HAO2: variants seen among roughly 807,000 people sequenced by gnomAD.
The protein encoded by HAO2 is hydroxyacid oxidase 2, also known as 2-Hydroxyacid oxidase 2.
HAO2 carries 42 observed loss-of-function variants against 37.4 expected under a neutral mutation model. The observed-to-expected ratio is 1.12, with a 90% CI of 0.88 to 1.45. HAO2 has a LOEUF of 1.45. Ranked by LOEUF, HAO2 falls within the 40% of genes most tolerant of loss-of-function variation. The pLI is 0.00. For missense variants in HAO2, 476 were observed against 430.2 expected (o/e 1.11, Z -0.94); for synonymous variants, 180 against 162.8 (o/e 1.11, Z -0.81).
chr1:119,381,355 T>C, intron 2 of HAO2, 139 bp downstream of exon 2: 2 of 705,270 alleles, frequency 2.8e-6, no homozygotes, highest in Non-Finnish European at 5.0e-6. Flanking sequence ...TTTGTTGTTG[T>C]TTTGGTTTGT....
At chr1:119,369,350 T>G (rs587757504) in intron 1 of HAO2, among the ~76,000 whole-genome samples, 1 of 152,318 alleles carries the variant, frequency 6.6e-6, no homozygotes, top group South Asian at 2.1e-4. Context: ...TCTCAAACAA[T>G]GTAGTTCCTT....
At chr1:119,391,626 C>T (rs1226419278) in intron 5 of HAO2, among the ~76,000 whole-genome samples, 1 of 152,142 alleles carries the variant, frequency 6.6e-6, no homozygotes, top group African/African-American at 2.4e-5. Flanking sequence ...TAATGTTCAA[C>T]CCAGTTTCCC....
chr1:119,383,052 T>G lies in HAO2; in HGVS notation c.269T>G (p.Met90Arg). The change falls in exon 3 of 8, where the codon ATG becomes AGG. Residue 90 changes from methionine (M) to arginine (R), a missense_variant. Met to Arg is a moderately conservative substitution (Grantham distance 91). Transcript: ENST00000325945. ...TGCCTTGTCTGGCCTGATGGGGAAATGAGCACAGCAAGAGGTATGAACCAT... is the reference window on the plus strand; with the variant it reads ...TGCCTTGTCTGGCCTGATGGGGAAAGGAGCACAGCAAGAGGTATGAACCAT... ...FHCLVWPDGE[M>R]STARAAQAAG... is the part of the protein sequence containing the mutation. 4 of 1,612,442 alleles carry G rather than the reference T, an allele frequency of 2.5e-6. No homozygotes were observed. The highest frequency in any genetic ancestry group is 3.4e-6 in the Non-Finnish European group (4 of 1,179,280).
At chr1:119,386,955 G>A (rs1650438079) in intron 5 of HAO2, 124 bp downstream of exon 5, 1 of 665,682 alleles carries the variant, frequency 1.5e-6, no homozygotes, top group South Asian at 1.7e-5. Flanking sequence ...CACATGTGTT[G>A]GTATGTATCT....
chr1:119,393,799 G>A lies in HAO2; in HGVS notation c.1015G>A (p.Ala339Thr), dbSNP rs770457915. 32 of 1,612,964 alleles carry A rather than the reference G, an allele frequency of 2.0e-5. No individual in the cohort carries two copies. Among genetic ancestry groups the A allele is most frequent in the African/African-American group, 8.0e-5 (6 of 74,840 alleles). The change falls in exon 8 of 8, where the codon GCT becomes ACT. Residue 339 changes from alanine (A) to threonine (T), a missense_variant. Ala to Thr is a moderately conservative substitution (Grantham distance 58). Coordinates refer to ENST00000325945, the MANE Select transcript of HAO2 (RefSeq NM_016527.4). Reference protein sequence around the residue: ...SMALTGCRSVAEINRNLVQFS... With the variant: ...SMALTGCRSVTEINRNLVQFS... ...TGTTCTTTTAGGCTGCCGGTCGGTC[G>A]CTGAGATCAATCGAAACTTGGTCCA...
intron 1 of HAO2, among the ~76,000 whole-genome samples, chr1:119,374,312 T>C (rs1400298026): frequency 6.6e-6 from 1 of 152,198 alleles, no homozygotes; most frequent in African/African-American, 2.4e-5. Context: ...CCATCACCTC[T>C]TTCATTCTCA....
rs758234111 is a variant in HAO2, at chr1:119,392,173, G to A, written c.835G>A (p.Gly279Arg). Residue 279 changes from glycine to arginine, a missense_variant, in exon 6 of 8, where the codon GGG becomes AGG. Coordinates refer to ENST00000325945, the MANE Select transcript of HAO2 (RefSeq NM_016527.4). ...KGKIEVYLDG[G>R]VRTGNDVLKA... ...GAAAATTGAAGTCTACCTGGATGGCGGGGTCCGAACTGGCAATGATGTGCT... is the reference window on the plus strand; with the variant it reads ...GAAAATTGAAGTCTACCTGGATGGCAGGGTCCGAACTGGCAATGATGTGCT... 60 of 1,613,030 alleles carry A rather than the reference G, an allele frequency of 3.7e-5. No individual in the cohort carries two copies. The Middle Eastern group carries it at 6.6e-4, about 18-fold the overall frequency.
At chr1:119,376,845 G>C (rs1298371339) in intron 1 of HAO2, among the ~76,000 whole-genome samples, 1 of 152,140 alleles carries the variant, frequency 6.6e-6, no homozygotes, top group East Asian at 1.9e-4. Context: ...AACCAGTCCT[G>C]AGACTGCACA....
intron 1 of HAO2, among the ~76,000 whole-genome samples, chr1:119,377,819 C>A (rs1349442678): frequency 6.6e-6 from 1 of 152,198 alleles, no homozygotes; most frequent in East Asian, 1.9e-4. Flanking sequence ...GTAATCCCAG[C>A]ACTTTGGGAG....
At chr1:119,393,071 A>G (rs1397292997) in intron 7 of HAO2, among the ~76,000 whole-genome samples, 2 of 152,150 alleles carry the variant, frequency 1.3e-5, no homozygotes, top group Non-Finnish European at 2.9e-5. Flanking sequence ...ATTTTTGTGA[A>G]TAATACATTT....
At chr1:119,385,669 A>C in intron 4 of HAO2, 3 of 985,408 alleles carry the variant, frequency 3.0e-6, no homozygotes, top group Non-Finnish European at 3.6e-6. Flanking sequence ...ATTAAATGGC[A>C]AGAAGTGCCT....
intron 2 of HAO2, among the ~76,000 whole-genome samples, chr1:119,382,314 G>C (rs1343893926): frequency 6.6e-6 from 1 of 152,162 alleles, no homozygotes; most frequent in African/African-American, 2.4e-5. Context: ...TTAGACACCT[G>C]AGGCTAAGTA....
At chr1:119,392,362 CA>C in intron 6 of HAO2, 94 bp downstream of exon 6, 1 of 1,084,988 alleles carries the variant, frequency 9.2e-7, no homozygotes, top group Non-Finnish European at 1.4e-6. Flanking sequence ...TAGACATTTT[CA>C]AAATGATTCC....
chr1:119,393,521 G>C (rs1335831511), intron 7 of HAO2, among the ~76,000 whole-genome samples: 2 of 152,246 alleles, frequency 1.3e-5, no homozygotes, highest in Non-Finnish European at 2.9e-5. Flanking sequence ...CACAAGAGTT[G>C]ATTTAGAAAA....
At position 119,383,019 on chromosome 1, in the gene HAO2, G is replaced by A; in HGVS notation, c.236G>A (p.Gly79Glu). Residue 79 changes from glycine (G) to glutamate (E), a missense_variant, in exon 3 of 8, where the codon GGG (glycine) becomes GAG (glutamate). Coordinates refer to ENST00000325945, the MANE Select transcript of HAO2 (RefSeq NM_016527.4). ...GCCCCTATTTGTATCGCACCCACAG[G>A]GTTCCACTGCCTTGTCTGGCCTGAT... Reference protein sequence around the residue: ...ISAPICIAPTGFHCLVWPDGE... With the variant: ...ISAPICIAPTEFHCLVWPDGE... The A allele has an allele frequency of 6.2e-7, 1 of 1,613,250 alleles. No individual in the cohort carries two copies. Among genetic ancestry groups the A allele is most frequent in the African/African-American group, 1.3e-5 (1 of 75,024 alleles).
chr1:119,381,283 A>T, intron 2 of HAO2, 67 bp downstream of exon 2: 1 of 1,119,974 alleles, frequency 8.9e-7, no homozygotes, highest in Non-Finnish European at 1.4e-6. Context: ...CTTGGACAGT[A>T]GTAGTCCTGG....
intron 3 of HAO2, among the ~76,000 whole-genome samples, chr1:119,383,992 G>A (rs1650175427): frequency 6.6e-6 from 1 of 152,140 alleles, no homozygotes; most frequent in Non-Finnish European, 1.5e-5. Flanking sequence ...ATCTCCTGTT[G>A]ACATGAAAAA....
Position 119,386,674 on chromosome 1 carries a change from G to A in HAO2, c.614G>A (p.Trp205Ter). 2 of 1,613,200 alleles carry A rather than the reference G, an allele frequency of 1.2e-6. No homozygotes were observed. The highest frequency in any genetic ancestry group is 1.7e-6 in the Non-Finnish European group (2 of 1,179,246). ...QMTPISTSLCWNDLSWFQSIT... is the reference protein window; with the variant it reads ...QMTPISTSLC The stretch of plus-strand genomic sequence containing the variant: ...ACTCCTATCAGCACTTCTCTCTGCT[G>A]GAATGATCTCTCCTGGTTTCAGAGC... The change falls in exon 5 of 8, where the codon TGG (tryptophan) becomes TAG (stop). Residue 205 changes from tryptophan (W) to a stop codon, truncating the protein, a stop_gained. Coordinates refer to ENST00000325945, the MANE Select transcript of HAO2 (RefSeq NM_016527.4). LOFTEE classifies it high-confidence loss of function.
intron 1 of HAO2, among the ~76,000 whole-genome samples, chr1:119,372,384 T>C (rs1015672143): frequency 3.9e-5 from 6 of 152,240 alleles, no homozygotes; most frequent in African/African-American, 1.4e-4. Context: ...CTAGGTCTAA[T>C]GCGACTTCAA....
Sources: gnomAD v4.1 joint callset for allele counts (sites outside exome capture counted in the v4.1 genomes callset) on GRCh38, gnomAD v4.1.1 for gene constraint, MANE v1.5 for transcripts, NCBI Gene and HGNC (gene_info 2026-07-23, HGNC 2026-07-21) for gene names.